Variants in DLGAP4 observed in about 807,000 individuals in gnomAD.
DLGAP4 encodes DLG associated protein 4, also known as disks large-associated protein 4.
DLGAP4 carries 18 observed loss-of-function variants against 86.9 expected under a neutral mutation model. The observed-to-expected ratio is 0.21, with a 90% CI of 0.14 to 0.31. DLGAP4 has a LOEUF of 0.31. DLGAP4 is among the 10% of genes least tolerant of loss of function. DLGAP4 has a pLI of 1.00. For missense variants in DLGAP4, 1,085 were observed against 1,362.6 expected (o/e 0.80, Z 3.21); for synonymous variants, 548 against 574.3 (o/e 0.95, Z 0.65).
intron 10 of DLGAP4, chr20:36,508,803 A>T (rs2036532487): frequency 6.6e-6 from 1 of 152,204 alleles, no homozygotes; most frequent in Non-Finnish European, 1.5e-5. Flanking sequence ...ACTTCTCTGG[A>T]GTACTTACCT....
rs955104058 is a variant in DLGAP4, at chr20:36,436,192, C to T, written c.1083C>T (p.Cys361=). 7.5e-6 allele frequency: 12 copies of T among 1,601,914 alleles called. No individual in the cohort carries two copies. Among genetic ancestry groups the T allele is most frequent in the Non-Finnish European group, 1.0e-5 (12 of 1,178,842 alleles). Residue 361 remains cysteine (C), a synonymous_variant, in exon 4 of 13, where the codon TGC becomes TGT. Transcript: ENST00000339266. ...TDAAAEGPIP[C]RRMRSGSYIK... ...CCGCGGCCGAGGGCCCTATCCCGTG[C>T]CGGCGCATGCGCAGCGGCAGCTACA...
In DLGAP4 at chr20:36,432,788, CCA is replaced by C; in HGVS notation, c.999+75_999+76del. The C allele has an allele frequency of 6.5e-7, 1 of 1,542,818 alleles. No individual in the cohort carries two copies. The highest frequency in any genetic ancestry group is 8.8e-7 in the Non-Finnish European group (1 of 1,137,016). On this transcript the variant is annotated intron_variant, in intron 3 of 12. Coordinates refer to ENST00000339266, the MANE Select transcript of DLGAP4 (RefSeq NM_001365621.2). This position sits in a 1 kb window ranked among gnomAD's most constrained non-coding sequence, Gnocchi z 6.5. Reference sequence around the variant, plus strand: ...GCACCAGTTTTGAGGCCTAGACGTACCACAGATTCACTTGGAAAGTCACTTCA... The same window carrying C: ...GCACCAGTTTTGAGGCCTAGACGTACCAGATTCACTTGGAAAGTCACTTCA...
chr20:36,369,466 G>A (rs1304515073), intron 2 of DLGAP4, among the ~76,000 whole-genome samples: 2 of 152,118 alleles, frequency 1.3e-5, no homozygotes, highest in African/African-American at 4.8e-5. Flanking sequence ...GGTGGCAGGC[G>A]CTTGTAATCT....
intron 1 of DLGAP4, among the ~76,000 whole-genome samples, chr20:36,328,351 G>T (rs2065236586): frequency 1.3e-5 from 2 of 152,084 alleles, no homozygotes; most frequent in Admixed American, 1.3e-4. Flanking sequence ...CCAGCTGGGA[G>T]GACATCAGAC....
chr20:36,422,072 GAC>G (rs1431581536), intron 2 of DLGAP4, among the ~76,000 whole-genome samples: 1 of 152,104 alleles, frequency 6.6e-6, no homozygotes, highest in Admixed American at 6.5e-5. Flanking sequence ...GGTGCCCAAA[GAC>G]ACAGCCATGG....
At chr20:36,499,489 G>C in intron 8 of DLGAP4, 99 bp from the exon 9 acceptor site, 2 of 1,411,302 alleles carry the variant, frequency 1.4e-6, no homozygotes, top group South Asian at 1.2e-5. Context: ...ACGTCCGTTT[G>C]CGTCGTCCCA....
At chr20:36,461,554 C>T (rs2147615590) in intron 7 of DLGAP4, 1 of 975,034 alleles carries the variant, frequency 1.0e-6, no homozygotes, top group Non-Finnish European at 1.2e-6. Flanking sequence ...CCAGTCCGTC[C>T]GTCTGTCCGG....
chr20:36,393,749 G>A lies in DLGAP4; in HGVS notation c.-73+26474G>A, dbSNP rs950755624. Among the ~76,000 whole-genome samples, 1 of 152,160 alleles carries A rather than the reference G, an allele frequency of 6.6e-6. No individual in the cohort carries two copies. Among genetic ancestry groups the A allele is most frequent in the African/African-American group, 2.4e-5 (1 of 41,422 alleles). On this transcript the variant is annotated intron_variant, in intron 2 of 12. Transcript: ENST00000339266. This position sits in a 1 kb window ranked among gnomAD's most constrained non-coding sequence, Gnocchi z 4.4. The stretch of plus-strand genomic sequence containing the variant: ...GTGGCACTTTAGCCATATTGTCTTG[G>A]AATTAGACATAGATTGGGGTCTTCA...
intron 2 of DLGAP4, among the ~76,000 whole-genome samples, chr20:36,420,859 G>C (rs2032804436): frequency 6.6e-6 from 1 of 152,168 alleles, no homozygotes; most frequent in African/African-American, 2.4e-5. Flanking sequence ...TGTAATCCCA[G>C]CTACTCTGGA....
rs555596128 is a variant in DLGAP4 at position 36,431,703 on chromosome 20, C to A, written c.-15C>A. ...GCCCTGCTAGGGTGAAGGCCCCTGC[C>A]CTCGGCCCGGGATCATGAAAGGCCT... On this transcript the variant is annotated 5_prime_UTR_variant, in exon 3 of 13. Coordinates refer to ENST00000339266, the MANE Select transcript of DLGAP4 (RefSeq NM_001365621.2). This position sits in a 1 kb window ranked among gnomAD's most constrained non-coding sequence, Gnocchi z 5.1. 27 of 1,570,500 alleles carry A rather than the reference C, an allele frequency of 1.7e-5. No individual in the cohort carries two copies. The South Asian group carries it at 3.1e-4, about 18-fold the overall frequency.
At chr20:36,439,431 T>C (rs2147559789) in intron 4 of DLGAP4, among the ~76,000 whole-genome samples, 1 of 151,982 alleles carries the variant, frequency 6.6e-6, no homozygotes, top group East Asian at 1.9e-4. Flanking sequence ...AGATAAGGGG[T>C]GAGTCTAGGG....
intron 7 of DLGAP4, among the ~76,000 whole-genome samples, chr20:36,487,541 G>A (rs2035470374): frequency 6.6e-6 from 1 of 152,092 alleles, no homozygotes; most frequent in African/African-American, 2.4e-5. Flanking sequence ...ACGAGCTAAG[G>A]TACCTAAGTT....
At chr20:36,341,416 G>A (rs1365265870) in intron 1 of DLGAP4, among the ~76,000 whole-genome samples, 3 of 152,126 alleles carry the variant, frequency 2.0e-5, no homozygotes, top group African/African-American at 7.2e-5. Flanking sequence ...CCCAACCCCA[G>A]CCCCTAGCAA....
chr20:36,526,967 A>G lies in DLGAP4; in HGVS notation c.2915A>G (p.Asn972Ser). 6.2e-7 allele frequency: 1 copy of G among 1,604,202 alleles called. No homozygotes were observed. The highest frequency in any genetic ancestry group is 1.1e-5 in the South Asian group (1 of 90,438). ...AAKRAASVRQNSATESADSIE... is the reference protein window; with the variant it reads ...AAKRAASVRQSSATESADSIE... ...AAGCGGGCAGCTTCTGTGCGGCAGA[A>G]CTCAGCCACCGAGAGCGCAGACAGC... Residue 972 changes from asparagine to serine, a missense_variant, in exon 13 of 13, where the codon AAC becomes AGC. Transcript: ENST00000339266.
At chr20:36,374,426 G>A (rs2031070638) in intron 2 of DLGAP4, among the ~76,000 whole-genome samples, 1 of 152,200 alleles carries the variant, frequency 6.6e-6, no homozygotes, top group African/African-American at 2.4e-5. Context: ...ATGTGTCAAA[G>A]TCCCAGAGCA....
At chr20:36,383,402 G>A (rs2031475256) in intron 2 of DLGAP4, among the ~76,000 whole-genome samples, 1 of 152,106 alleles carries the variant, frequency 6.6e-6, no homozygotes, top group African/African-American at 2.4e-5. Context: ...TGAGAACAGG[G>A]CAACAAGCCC....
intron 7 of DLGAP4, among the ~76,000 whole-genome samples, chr20:36,482,854 TAG>T (rs1205159870): frequency 6.6e-6 from 1 of 151,962 alleles, no homozygotes; most frequent in Non-Finnish European, 1.5e-5. Flanking sequence ...GTATTTTTAG[TAG>T]AGACAGGGTT....
At chr20:36,437,440 A>AT (rs1329076173) in intron 4 of DLGAP4, among the ~76,000 whole-genome samples, 1 of 152,204 alleles carries the variant, frequency 6.6e-6, no homozygotes, top group Non-Finnish European at 1.5e-5. Context: ...GAGTGAGTGC[A>AT]TCACCTGTAA....
rs1486564619 is a variant in DLGAP4, at chr20:36,308,130, G to T, written c.-304+1618G>T. 6.6e-6 allele frequency among the ~76,000 whole-genome samples: 1 copy of T among 152,210 alleles called. No individual in the cohort carries two copies. The highest frequency in any genetic ancestry group is 1.5e-5 in the Non-Finnish European group (1 of 68,044). The stretch of plus-strand genomic sequence containing the variant: ...GACGCTGGCTGTGCACGTGGGGCTG[G>T]CTAGAGTGCCTGTCTCCCGCTGTGG... On this transcript the variant is annotated intron_variant, in intron 1 of 12. Coordinates refer to ENST00000339266, the MANE Select transcript of DLGAP4 (RefSeq NM_001365621.2). The surrounding 1 kb of genome is among the most constrained non-coding windows in gnomAD (Gnocchi z 4.5).
Sources: gnomAD v4.1 joint callset for allele counts (sites outside exome capture counted in the v4.1 genomes callset) on GRCh38, gnomAD v4.1.1 for gene constraint, Gnocchi (gnomAD v3.1) non-coding constraint, MANE v1.5 for transcripts, NCBI Gene and HGNC (gene_info 2026-07-23, HGNC 2026-07-21) for gene names.